The following ASTN2 variants were observed in gnomAD, a reference collection of about 807,000 sequenced individuals.
ASTN2 encodes the protein astrotactin-2.
In ASTN2, 54 loss-of-function variants were observed where a neutral mutation model predicts 139.8. The ratio of observed to expected loss-of-function variants is 0.39; its 90% CI spans 0.31 to 0.48. The LOEUF (loss-of-function observed/expected upper bound fraction) is 0.48. ASTN2 is among the 20% of genes least tolerant of loss of function. The pLI, the probability that ASTN2 is intolerant of heterozygous loss-of-function variation, is 0.95. For synonymous variants in ASTN2, 756 were observed against 719.5 expected, an observed-to-expected ratio of 1.05 and a Z score of -0.81; for missense variants, 1,565 against 1,725.1, an observed-to-expected ratio of 0.91 and a Z score of 1.64.
chr9:117,037,956 T>C (rs1412613768), intron 6 of ASTN2, among the ~76,000 whole-genome samples: 3 of 152,174 alleles, frequency 2.0e-5, no homozygotes, highest in Non-Finnish European at 4.4e-5. Context: ...TATGTGCACA[T>C]ATGACTCACT....
chr9:116,901,071 T>A (rs914526079), intron 10 of ASTN2, among the ~76,000 whole-genome samples: 81 of 149,864 alleles, frequency 5.4e-4, no homozygotes, highest in African/African-American at 1.9e-3. Flanking sequence ...CGACTCCAAA[T>A]CCTATTTCCG....
chr9:116,639,929 A>C (rs1488385318), intron 17 of ASTN2, among the ~76,000 whole-genome samples: 1 of 152,060 alleles, frequency 6.6e-6, no homozygotes, highest in Non-Finnish European at 1.5e-5. Context: ...TCAATCATTT[A>C]TTTTCTTTTT....
At chr9:116,881,025 C>T (rs1833438725) in intron 10 of ASTN2, among the ~76,000 whole-genome samples, 1 of 152,118 alleles carries the variant, frequency 6.6e-6, no homozygotes, top group Admixed American at 6.5e-5. Flanking sequence ...GGTAGCCACA[C>T]ATGGATCTTG....
intron 20 of ASTN2, among the ~76,000 whole-genome samples, chr9:116,473,848 G>A (rs1419338305): frequency 6.6e-6 from 1 of 151,878 alleles, no homozygotes; most frequent in Non-Finnish European, 1.5e-5. Context: ...GTTGCAGTGG[G>A]CTGAGATCGC....
At chr9:116,708,921 A>G (rs932977731) in intron 16 of ASTN2, among the ~76,000 whole-genome samples, 3 of 152,110 alleles carry the variant, frequency 2.0e-5, no homozygotes, top group African/African-American at 4.8e-5. Context: ...GGCTTTAGCA[A>G]CCTCCTCCCA....
chr9:117,390,785 C>T (rs1830520345), intron 1 of ASTN2, among the ~76,000 whole-genome samples: 1 of 152,166 alleles, frequency 6.6e-6, no homozygotes, highest in African/African-American at 2.4e-5. Context: ...CACATTTTGA[C>T]AATTATGAAT....
At chr9:116,713,838 C>T (rs1259835290) in intron 16 of ASTN2, among the ~76,000 whole-genome samples, 1 of 152,026 alleles carries the variant, frequency 6.6e-6, no homozygotes, top group East Asian at 1.9e-4. Flanking sequence ...TGTGAAATGC[C>T]CAGCATATCT....
intron 12 of ASTN2, among the ~76,000 whole-genome samples, chr9:116,807,859 C>A (rs1258660635): frequency 1.3e-5 from 2 of 151,914 alleles, no homozygotes; most frequent in African/African-American, 4.8e-5. Flanking sequence ...CGCCTGTAAT[C>A]CCAACACTTT....
chr9:116,968,555 C>T lies in ASTN2; in HGVS notation c.1889+6653G>A, dbSNP rs372760105. Reference sequence around the variant, plus strand: ...TCTCTCTGCTGTCCTTCTCTCCCTTCATCAACTGCCATGCATCCCTTGGCA... The same window carrying T: ...TCTCTCTGCTGTCCTTCTCTCCCTTTATCAACTGCCATGCATCCCTTGGCA... On this transcript the variant is annotated intron_variant, in intron 10 of 22. Coordinates refer to ENST00000313400, the MANE Select transcript of ASTN2 (RefSeq NM_001365068.1). Among the ~76,000 whole-genome samples the T allele has an allele frequency of 6.6e-5, 10 of 152,264 alleles. No homozygotes were observed. In the East Asian group the frequency reaches 1.5e-3, roughly 23 times the overall value.
intron 20 of ASTN2, among the ~76,000 whole-genome samples, chr9:116,450,865 C>T (rs1564285671): frequency 6.6e-6 from 1 of 152,108 alleles, no homozygotes; most frequent in Admixed American, 6.6e-5. Flanking sequence ...AATTCTAGTG[C>T]CCGGAACAGA....
At chr9:117,190,524 G>A (rs995399051) in intron 3 of ASTN2, among the ~76,000 whole-genome samples, 10 of 152,118 alleles carry the variant, frequency 6.6e-5, no homozygotes, top group African/African-American at 2.2e-4. Flanking sequence ...CACAGGAAGA[G>A]TCAGTGTCCC....
At chr9:117,313,086 G>A (rs1233098492) in intron 1 of ASTN2, among the ~76,000 whole-genome samples, 2 of 152,144 alleles carry the variant, frequency 1.3e-5, no homozygotes, top group Non-Finnish European at 2.9e-5. Context: ...AGGAACCCAC[G>A]TTCAGAATCC....
chr9:117,205,171 G>A (rs1831874655), intron 3 of ASTN2, among the ~76,000 whole-genome samples: 1 of 152,194 alleles, frequency 6.6e-6, no homozygotes, highest in Non-Finnish European at 1.5e-5. Flanking sequence ...AGCCTATGAT[G>A]GACAAGGGGA....
At chr9:116,773,617 C>A (rs1323074392) in intron 13 of ASTN2, among the ~76,000 whole-genome samples, 1 of 152,152 alleles carries the variant, frequency 6.6e-6, no homozygotes, top group Non-Finnish European at 1.5e-5. Context: ...TCTGAATATA[C>A]CACATACTGA....
chr9:117,391,100 G>A (rs1830528045), intron 1 of ASTN2, among the ~76,000 whole-genome samples: 1 of 152,180 alleles, frequency 6.6e-6, no homozygotes, highest in South Asian at 2.1e-4. Flanking sequence ...TCTATCTGAG[G>A]TTAGTTGACT....
chr9:117,234,819 C>T (rs1385712202), intron 2 of ASTN2, among the ~76,000 whole-genome samples: 1 of 152,144 alleles, frequency 6.6e-6, no homozygotes, highest in South Asian at 2.1e-4. Flanking sequence ...CCCTTGGTGG[C>T]CATTTCAAGG....
At chr9:116,998,512 A>G (rs960564895) in intron 7 of ASTN2, among the ~76,000 whole-genome samples, 7 of 149,660 alleles carry the variant, frequency 4.7e-5, no homozygotes, top group Non-Finnish European at 7.4e-5. Flanking sequence ...TTACTCATTG[A>G]ACAAGCCTTG....
intron 10 of ASTN2, among the ~76,000 whole-genome samples, chr9:116,918,892 A>AAT (rs1015574440): frequency 5.9e-5 from 9 of 152,194 alleles, no homozygotes; most frequent in African/African-American, 1.7e-4. Context: ...GGGGTTTAAA[A>AAT]ATATATATAT....
At chr9:116,771,947 C>T (rs1829962927) in intron 13 of ASTN2, among the ~76,000 whole-genome samples, 1 of 152,262 alleles carries the variant, frequency 6.6e-6, no homozygotes, top group Non-Finnish European at 1.5e-5. Context: ...CACTACTACT[C>T]ATGCAAACAA....
Sources: gnomAD v4.1 joint callset for allele counts (sites outside exome capture counted in the v4.1 genomes callset) on GRCh38, gnomAD v4.1.1 for gene constraint, MANE v1.5 for transcripts, NCBI Gene and HGNC (gene_info 2026-07-23, HGNC 2026-07-21) for gene names.